The following USP49 variants were observed in gnomAD, a reference collection of about 807,000 sequenced individuals.
The protein encoded by USP49 is ubiquitin specific peptidase 49, also known as ubiquitin carboxyl-terminal hydrolase 49.
Under a neutral mutation model 58.6 loss-of-function variants are expected in USP49, and 24 were observed. That is an observed-to-expected ratio of 0.41 (90% CI 0.30 to 0.58). The LOEUF (loss-of-function observed/expected upper bound fraction) is 0.58, where lower values mean the gene tolerates loss of function less well. USP49 is among the 20% of genes least tolerant of loss of function. The pLI is 0.30. For missense variants in USP49, 703 were observed against 866.1 expected (o/e 0.81, Z 2.36); for synonymous variants, 408 against 365.1 (o/e 1.12, Z -1.34).
chr6:41,834,450 A>C (rs1246998710), intron 3 of USP49, among the ~76,000 whole-genome samples: 1 of 152,214 alleles, frequency 6.6e-6, no homozygotes, highest in African/African-American at 2.4e-5. Flanking sequence ...CAGAGAGGGT[A>C]AATGATATGG....
intron 1 of USP49, chr6:41,893,820 TCA>T (rs1316541388): frequency 2.0e-5 from 3 of 152,162 alleles, no homozygotes; most frequent in Non-Finnish European, 4.4e-5. Context: ...ACAAAAGGAT[TCA>T]CAGTTTCAAC....
At chr6:41,862,638 G>T (rs1360132971) in intron 3 of USP49, among the ~76,000 whole-genome samples, 1 of 152,240 alleles carries the variant, frequency 6.6e-6, no homozygotes, top group East Asian at 1.9e-4. Flanking sequence ...GTGATTTAAT[G>T]AACTCAATTT....
intron 3 of USP49, among the ~76,000 whole-genome samples, chr6:41,857,554 G>A (rs545474388): frequency 6.6e-6 from 1 of 152,314 alleles, no homozygotes; most frequent in East Asian, 1.9e-4. Flanking sequence ...GCTGAGGCAG[G>A]AGGATCACTT....
In USP49 at chr6:41,806,401, G is replaced by C. The variant is rs760185846; in HGVS notation, c.583C>G (p.Arg195Gly). 1.4e-4 allele frequency: 217 copies of C among 1,559,810 alleles called. 1 individual carries two copies. The highest frequency in any genetic ancestry group is 3.9e-4 in the Middle Eastern group (2 of 5,124). The change falls in exon 4 of 8, where the codon CGG becomes GGG. Residue 195 changes from arginine to glycine, a missense_variant. Transcript: ENST00000682992. The surrounding 1 kb of genome is among the most constrained non-coding windows in gnomAD (Gnocchi z 5.9). Reference protein sequence around the residue: ...ARRRRREVKRRLLEELASTPP... With the variant: ...ARRRRREVKRGLLEELASTPP... ...GTGCTGGCCAGCTCCTCCAGCAGCC[G>C]CCGTTTCACCTCGCGCCGCCGCCTC...
intron 3 of USP49, among the ~76,000 whole-genome samples, chr6:41,834,627 G>A (rs1019034978): frequency 6.6e-6 from 1 of 152,150 alleles, no homozygotes; most frequent in African/African-American, 2.4e-5. Flanking sequence ...AGATCCAGTT[G>A]TTTAAAAGTG....
intron 3 of USP49, among the ~76,000 whole-genome samples, chr6:41,860,077 A>T (rs1472146104): frequency 6.6e-6 from 1 of 152,222 alleles, no homozygotes; most frequent in African/African-American, 2.4e-5. Context: ...TCCAGATATT[A>T]GGTATCTCCT....
intron 3 of USP49, among the ~76,000 whole-genome samples, chr6:41,849,423 C>G (rs967381956): frequency 6.6e-6 from 1 of 152,026 alleles, no homozygotes; most frequent in African/African-American, 2.4e-5. Flanking sequence ...AAGAGAGGAC[C>G]TGAACAACAT....
chr6:41,805,969 TAATGGAGG>T lies in USP49; in HGVS notation c.1007_1014del (p.Ala336GlufsTer22), dbSNP rs746611855. 1 of 1,613,878 alleles carries T rather than the reference TAATGGAGG, an allele frequency of 6.2e-7. No individual in the cohort carries two copies. The highest frequency in any genetic ancestry group is 8.5e-7 in the Non-Finnish European group (1 of 1,180,020). On this transcript the variant is annotated frameshift_variant, in exon 4 of 8. Coordinates refer to ENST00000682992, the MANE Select transcript of USP49 (RefSeq NM_001286554.2). LOFTEE classifies it high-confidence loss of function. ...TTCTGGATGAGCTCCAGACTCCGAC[TAATGGAGG>T]CCCTGCCGTTCCAGCAGAAGCCCTC...
intron 3 of USP49, among the ~76,000 whole-genome samples, chr6:41,857,623 C>T (rs1380187632): frequency 6.6e-6 from 1 of 152,018 alleles, no homozygotes; most frequent in African/African-American, 2.4e-5. Context: ...AGAGTGAGAC[C>T]CAGTCTCAAA....
At chr6:41,869,193 G>C (rs1271282697) in intron 3 of USP49, among the ~76,000 whole-genome samples, 1 of 147,668 alleles carries the variant, frequency 6.8e-6, no homozygotes, top group African/African-American at 2.5e-5. Context: ...CACCACCTAA[G>C]AAAGTGCTGA....
At chr6:41,859,644 C>T (rs1346885350) in intron 3 of USP49, among the ~76,000 whole-genome samples, 3 of 152,110 alleles carry the variant, frequency 2.0e-5, no homozygotes, top group Admixed American at 6.6e-5. Context: ...AAACAAATAA[C>T]GTTCTACTTC....
Position 41,806,416 on chromosome 6 carries a change from G to A in USP49, c.568C>T (p.Arg190Cys), listed in dbSNP as rs1043032091. Residue 190 changes from arginine to cysteine, a missense_variant, in exon 4 of 8, where the codon CGC becomes TGC. Coordinates refer to ENST00000682992, the MANE Select transcript of USP49 (RefSeq NM_001286554.2). This position sits in a 1 kb window ranked among gnomAD's most constrained non-coding sequence, Gnocchi z 5.9. ...RKKEEARRRR[R>C]EVKRRLLEEL... The stretch of plus-strand genomic sequence containing the variant: ...TCCAGCAGCCGCCGTTTCACCTCGC[G>A]CCGCCGCCTCCGCGCCTCCTCCTTC... 5 of 1,572,760 alleles carry A rather than the reference G, an allele frequency of 3.2e-6. No homozygotes were observed. The highest frequency in any genetic ancestry group is 2.2e-5 in the East Asian group (1 of 44,632).
chr6:41,886,524 T>C (rs1271541506), intron 2 of USP49: 1 of 152,210 alleles, frequency 6.6e-6, no homozygotes, highest in Non-Finnish European at 1.5e-5. Flanking sequence ...GACCTTATTG[T>C]CCTGATAAGT....
At chr6:41,821,080 A>G (rs1263783205) in intron 3 of USP49, among the ~76,000 whole-genome samples, 1 of 152,218 alleles carries the variant, frequency 6.6e-6, no homozygotes, top group Non-Finnish European at 1.5e-5. Context: ...GTAGTGAGAG[A>G]AAACCTTGAG....
At chr6:41,797,685 TTCATACAATATCTCCTTGA>T in intron 7 of USP49, 1 of 985,846 alleles carries the variant, frequency 1.0e-6, no homozygotes, top group Non-Finnish European at 1.2e-6. Flanking sequence ...GCTAGTGAGA[TTCATACAATATCTCCTTGA>T]GGTTACACAG....
intron 3 of USP49, among the ~76,000 whole-genome samples, chr6:41,807,590 C>T (rs1008289572): frequency 2.6e-5 from 4 of 151,924 alleles, no homozygotes; most frequent in African/African-American, 9.7e-5. Flanking sequence ...ACTGACGCCA[C>T]GCCACCACAC....
Position 41,888,602 on chromosome 6 carries a change from C to T in USP49, c.-103+3192G>A, listed in dbSNP as rs370343370. 1.6e-3 allele frequency among the ~76,000 whole-genome samples: 242 copies of T among 151,872 alleles called. 1 individual carries two copies. Among genetic ancestry groups the T allele is most frequent in the African/African-American group, 5.4e-3 (225 of 41,402 alleles). The stretch of plus-strand genomic sequence containing the variant: ...CCGAGTAGCTGGGATTACAGGCATG[C>T]GCCACCACACCTGTCTAATTTTGTA... On this transcript the variant is annotated intron_variant, in intron 2 of 7. Coordinates refer to ENST00000682992, the MANE Select transcript of USP49 (RefSeq NM_001286554.2).
intron 3 of USP49, among the ~76,000 whole-genome samples, chr6:41,863,095 A>C (rs1322690229): frequency 6.6e-6 from 1 of 151,984 alleles, no homozygotes; most frequent in African/African-American, 2.4e-5. Context: ...TTAATATTTA[A>C]ATATACTAGC....
intron 3 of USP49, among the ~76,000 whole-genome samples, chr6:41,840,719 A>C (rs1278474640): frequency 6.6e-6 from 1 of 152,200 alleles, no homozygotes; most frequent in African/African-American, 2.4e-5. Flanking sequence ...ATGGATTTAT[A>C]ATATAATTTG....
Sources: allele counts gnomAD v4.1 joint callset (sites outside exome capture counted in the v4.1 genomes callset), GRCh38; gene constraint gnomAD v4.1.1; non-coding constraint Gnocchi (gnomAD v3.1); transcripts MANE v1.5; gene names NCBI Gene and HGNC (gene_info 2026-07-23, HGNC 2026-07-21).